Variants in TACC2 observed in about 807,000 individuals in gnomAD.
TACC2 encodes transforming acidic coiled-coil-containing protein 2.
In TACC2, 137 loss-of-function variants were observed where a neutral mutation model predicts 227.3. That is an observed-to-expected ratio of 0.60 (90% confidence interval 0.52 to 0.69). The LOEUF (loss-of-function observed/expected upper bound fraction) is 0.69. TACC2 is among the 30% of genes least tolerant of loss of function. TACC2 has a pLI of 0.00. For synonymous variants in TACC2, 1,523 were observed against 1,487.5 expected, an observed-to-expected ratio of 1.02 and a Z score of -0.55; for missense variants, 3,470 against 3,694.4, an observed-to-expected ratio of 0.94 and a Z score of 1.57.
chr10:122,152,748 ACT>A (rs1397095009), intron 7 of TACC2, among the ~76,000 whole-genome samples: 1 of 151,836 alleles, frequency 6.6e-6, no homozygotes, highest in Non-Finnish European at 1.5e-5. Context: ...CTGCATCCTC[ACT>A]CTCTGTGGCC....
chr10:122,247,498 G>A (rs1438223537), intron 19 of TACC2: 4 of 152,240 alleles, frequency 2.6e-5, no homozygotes, highest in Non-Finnish European at 5.9e-5. Flanking sequence ...AGAGGACAGA[G>A]GGGTGTTTTG....
intron 7 of TACC2, chr10:122,163,875 A>G (rs2092982654): frequency 1.3e-6 from 2 of 1,538,910 alleles, no homozygotes; most frequent in East Asian, 4.9e-5. Context: ...GAATCGCGCC[A>G]GGACGCTGGC....
intron 7 of TACC2, among the ~76,000 whole-genome samples, chr10:122,170,704 T>A (rs1160828130): frequency 6.6e-6 from 1 of 152,214 alleles, no homozygotes; most frequent in Non-Finnish European, 1.5e-5. Flanking sequence ...TGCTTCCCAT[T>A]GCTTTTAGTC....
chr10:122,230,758 C>G (rs1208556843), intron 16 of TACC2, among the ~76,000 whole-genome samples: 1 of 151,388 alleles, frequency 6.6e-6, no homozygotes, highest in African/African-American at 2.4e-5. Flanking sequence ...TGGTTAGCAC[C>G]AATTCAACAG....
chr10:122,108,858 C>T (rs571722330), intron 5 of TACC2, among the ~76,000 whole-genome samples: 17 of 151,806 alleles, frequency 1.1e-4, no homozygotes, highest in African/African-American at 3.4e-4. Flanking sequence ...CTCAGCCTCC[C>T]GAGTAGCTGC....
At chr10:122,009,155 A>G (rs1362459500) in intron 1 of TACC2, among the ~76,000 whole-genome samples, 1 of 152,068 alleles carries the variant, frequency 6.6e-6, no homozygotes, top group Non-Finnish European at 1.5e-5. Context: ...CTTTTTATTT[A>G]CAGTTTTGAA....
intron 2 of TACC2, among the ~76,000 whole-genome samples, chr10:122,035,853 C>T (rs1263141332): frequency 2.0e-5 from 3 of 151,972 alleles, no homozygotes; most frequent in Non-Finnish European, 4.4e-5. Flanking sequence ...TATTCTGTCG[C>T]TGAGGATGGA....
intron 3 of TACC2, among the ~76,000 whole-genome samples, chr10:122,071,269 T>G (rs1236927476): frequency 6.6e-6 from 1 of 152,194 alleles, no homozygotes; most frequent in East Asian, 1.9e-4. Flanking sequence ...TATCAGAATG[T>G]TATTGGCATG....
intron 5 of TACC2, among the ~76,000 whole-genome samples, chr10:122,093,606 G>A (rs1222879019): frequency 6.6e-6 from 1 of 152,182 alleles, no homozygotes; most frequent in Non-Finnish European, 1.5e-5. Flanking sequence ...TCTCAGATGG[G>A]AGGCAGTTAA....
At chr10:122,127,652 C>G (rs1057059671) in intron 5 of TACC2, among the ~76,000 whole-genome samples, 2 of 152,102 alleles carry the variant, frequency 1.3e-5, no homozygotes, top group Admixed American at 6.5e-5. Flanking sequence ...AGAACCACCA[C>G]CAGCAGAACT....
rs1405687927 is a variant in TACC2 at position 122,083,836 on chromosome 10, T to A, written c.1336T>A (p.Ser446Thr). ...EPGSSSRESV[S>T]KAGMPVSADA... ...TGGATCATCATCCAGGGAATCAGTT[T>A]CCAAGGCTGGGATGCCAGTTTCTGC... The change falls in exon 4 of 23, where the codon TCC becomes ACC. Residue 446 changes from serine (S) to threonine (T), a missense_variant. Transcript: ENST00000369005. 1 of 1,614,038 alleles carries A rather than the reference T, an allele frequency of 6.2e-7. No individual in the cohort carries two copies. Among genetic ancestry groups the A allele is most frequent in the African/African-American group, 1.3e-5 (1 of 74,924 alleles).
At chr10:122,045,946 G>A (rs147823597) in intron 2 of TACC2, among the ~76,000 whole-genome samples, 3 of 8,752 alleles carry the variant, frequency 3.4e-4, no homozygotes, top group African/African-American at 1.6e-3. Context: ...AGGCCAAGGC[G>A]CATGGATCAC....
At position 122,227,979 on chromosome 10, in the gene TACC2, T is replaced by A. The variant is rs2095660725; in HGVS notation, c.7867T>A (p.Leu2623Met). The A allele has an allele frequency of 1.9e-6, 3 of 1,613,940 alleles. No individual in the cohort carries two copies. Among genetic ancestry groups the A allele is most frequent in the African/African-American group, 2.7e-5 (2 of 75,062 alleles). The change falls in exon 14 of 23, where the codon TTG becomes ATG. Residue 2623 changes from leucine to methionine, a missense_variant. Physicochemically the swap from Leu to Met is conservative, Grantham distance 15. Coordinates refer to ENST00000369005, the MANE Select transcript of TACC2 (RefSeq NM_206862.4). ...CCAGAAGGAGCTGGAGGCCATGGGCTTGGGCACCCCTTCAGAAGCGATTGA... is the reference window on the plus strand; with the variant it reads ...CCAGAAGGAGCTGGAGGCCATGGGCATGGGCACCCCTTCAGAAGCGATTGA... ...SSQKELEAMGLGTPSEAIEIT... is the reference protein window; with the variant it reads ...SSQKELEAMGMGTPSEAIEIT...
intron 1 of TACC2, among the ~76,000 whole-genome samples, chr10:121,993,571 T>G (rs1423621269): frequency 6.6e-6 from 1 of 152,204 alleles, no homozygotes; most frequent in Non-Finnish European, 1.5e-5. Context: ...TAATGTAGTA[T>G]TTACACATAA....
intron 19 of TACC2, chr10:122,246,576 A>G (rs1321833400): frequency 6.6e-6 from 1 of 152,224 alleles, no homozygotes; most frequent in Non-Finnish European, 1.5e-5. Context: ...GTGAACAGTG[A>G]CTTAGCTTCT....
chr10:122,195,466 A>T (rs988972573), intron 8 of TACC2, among the ~76,000 whole-genome samples: 1 of 152,158 alleles, frequency 6.6e-6, no homozygotes. Context: ...GGATTCCAGC[A>T]CTTGGCCCCT....
intron 8 of TACC2, among the ~76,000 whole-genome samples, chr10:122,203,426 C>T (rs561929744): frequency 2.1e-4 from 31 of 151,180 alleles, no homozygotes; most frequent in Middle Eastern, 3.5e-3. Flanking sequence ...CTGACCCCCC[C>T]ACCTCCCTCC....
chr10:122,143,479 GGCGGGTGGGT>G (rs2090941201), intron 6 of TACC2, 83 bp from the exon 7 acceptor site: 12 of 1,419,678 alleles, frequency 8.5e-6, no homozygotes, highest in African/African-American at 5.8e-5. Context: ...TCCATGTGTG[GGCGGGTGGGT>G]TGGGTGGGGT....
chr10:121,999,075 C>G (rs1953945001), intron 1 of TACC2, among the ~76,000 whole-genome samples: 1 of 149,290 alleles, frequency 6.7e-6, no homozygotes, highest in Non-Finnish European at 1.5e-5. Context: ...GTGGCATGAT[C>G]TCGGCTCACT....
Sources: gnomAD v4.1 joint callset for allele counts (sites outside exome capture counted in the v4.1 genomes callset) on GRCh38, gnomAD v4.1.1 for gene constraint, MANE v1.5 for transcripts, NCBI Gene and HGNC (gene_info 2026-07-23, HGNC 2026-07-21) for gene names.